The following SAMD4A variants were observed in gnomAD, a reference collection of about 807,000 sequenced individuals.
SAMD4A encodes sterile alpha motif domain containing 4A, also known as protein Smaug homolog 1.
In SAMD4A, 33 loss-of-function variants were observed where a neutral mutation model predicts 81.3. The ratio of observed to expected loss-of-function variants is 0.41; its 90% CI spans 0.31 to 0.54. The LOEUF (loss-of-function observed/expected upper bound fraction) is 0.54. SAMD4A is among the 20% of genes least tolerant of loss of function. The pLI, the probability that SAMD4A is intolerant of heterozygous loss-of-function variation, is 0.37. For synonymous variants in SAMD4A, 389 were observed against 382.1 expected, an observed-to-expected ratio of 1.02 and a Z score of -0.21; for missense variants, 854 against 951.1, an observed-to-expected ratio of 0.90 and a Z score of 1.34.
chr14:54,773,248 C>G (rs1000080803), intron 9 of SAMD4A, among the ~76,000 whole-genome samples: 3 of 152,158 alleles, frequency 2.0e-5, no homozygotes, highest in South Asian at 2.1e-4. Context: ...TGCCCCTCCC[C>G]CTACATACAG....
chr14:54,604,026 C>T (rs1168485892), intron 2 of SAMD4A, among the ~76,000 whole-genome samples: 10 of 152,120 alleles, frequency 6.6e-5, no homozygotes, highest in South Asian at 4.2e-4. Context: ...GGTTTCTCCA[C>T]GTTGGCCAGG....
At chr14:54,749,317 G>T (rs954920881) in intron 5 of SAMD4A, among the ~76,000 whole-genome samples, 1 of 152,104 alleles carries the variant, frequency 6.6e-6, no homozygotes. Flanking sequence ...CCCTCTGCTC[G>T]AGCAGGGCTT....
rs117624018 is a variant in SAMD4A, at chr14:54,763,808, T to C, written c.1511-647T>C. Among the ~76,000 whole-genome samples, 3 of 152,328 alleles carry C rather than the reference T, an allele frequency of 2.0e-5. No homozygotes were observed. The East Asian group carries it at 5.8e-4, about 29-fold the overall frequency. Reference sequence around the variant, plus strand: ...AGTAACATGGCCGTGAGAAACCTAGTGCGTGTGTATACTCTACCCGCAGAC... The same window carrying C: ...AGTAACATGGCCGTGAGAAACCTAGCGCGTGTGTATACTCTACCCGCAGAC... On this transcript the variant is annotated intron_variant, in intron 7 of 12. Coordinates refer to ENST00000554335, the MANE Select transcript of SAMD4A (RefSeq NM_015589.6).
intron 9 of SAMD4A, among the ~76,000 whole-genome samples, chr14:54,771,843 T>G (rs1322041038): frequency 1.3e-5 from 2 of 152,188 alleles, no homozygotes; most frequent in Admixed American, 1.3e-4. Context: ...CTGTCAGCCC[T>G]GTGTTGTCAT....
intron 2 of SAMD4A, among the ~76,000 whole-genome samples, chr14:54,672,686 G>A (rs2035911118): frequency 6.6e-6 from 1 of 152,136 alleles, no homozygotes; most frequent in South Asian, 2.1e-4. Flanking sequence ...AGGATGTAGG[G>A]CAATTTCTAA....
At chr14:54,676,926 G>T (rs2036006071) in intron 2 of SAMD4A, among the ~76,000 whole-genome samples, 1 of 152,182 alleles carries the variant, frequency 6.6e-6, no homozygotes, top group Non-Finnish European at 1.5e-5. Context: ...CTAGAGCCTT[G>T]CATTATGCAT....
In SAMD4A at chr14:54,694,798, A is replaced by C. The variant is rs1157927298; in HGVS notation, c.197-7264A>C. 10 of 985,316 alleles carry C rather than the reference A, an allele frequency of 1.0e-5. No homozygotes were observed. In the African/African-American group the frequency reaches 1.7e-4, roughly 17 times the overall value. The allele number at this position is 985,316 out of a possible 1,614,324, so 61.0% of individuals were successfully genotyped here. A position where few individuals can be genotyped will look rare whatever the true frequency, so the allele number is the denominator to read the frequency against. On this transcript the variant is annotated intron_variant, in intron 2 of 12. Coordinates refer to ENST00000554335, the MANE Select transcript of SAMD4A (RefSeq NM_015589.6). ...GGCTGAGATCTCAGGACTACTTCCC[A>C]GCTGGCCTGGGTCCTCAAGGAGTAA...
At position 54,715,267 on chromosome 14, in the gene SAMD4A, C is replaced by T. The variant is rs1053258090; in HGVS notation, c.715+12687C>T. On this transcript the variant is annotated intron_variant, in intron 3 of 12. Coordinates refer to ENST00000554335, the MANE Select transcript of SAMD4A (RefSeq NM_015589.6). ...GTGATCTTAAACTCACGGGGATTCTCACTTCTTTATGAAAGTTTGGGGTTG... is the reference window on the plus strand; with the variant it reads ...GTGATCTTAAACTCACGGGGATTCTTACTTCTTTATGAAAGTTTGGGGTTG... Among the ~76,000 whole-genome samples the T allele has an allele frequency of 2.6e-5, 4 of 152,206 alleles. No homozygotes were observed. The East Asian group carries it at 7.7e-4, about 29-fold the overall frequency.
intron 8 of SAMD4A, among the ~76,000 whole-genome samples, chr14:54,769,111 A>G (rs137862838): frequency 3.7e-4 from 56 of 152,362 alleles, no homozygotes; most frequent in African/African-American, 1.1e-3. Context: ...TCTAAGTTAC[A>G]GTTCTAGTCA....
chr14:54,632,578 CT>C (rs546542473), intron 2 of SAMD4A, among the ~76,000 whole-genome samples: 7 of 151,522 alleles, frequency 4.6e-5, no homozygotes, highest in East Asian at 3.9e-4. Flanking sequence ...CTACACTTCA[CT>C]TTTTTTTTCA....
intron 2 of SAMD4A, among the ~76,000 whole-genome samples, chr14:54,586,890 AGTTTTGCTTT>A (rs1194113629): frequency 6.6e-6 from 1 of 151,962 alleles, no homozygotes; most frequent in East Asian, 1.9e-4. Context: ...CTTTTTGCTT[AGTTTTGCTTT>A]GGCTATGTGG....
In SAMD4A at chr14:54,701,113, C is replaced by G. The variant is rs145247634; in HGVS notation, c.197-949C>G. ...TCTGAAGCTCAAGCAATCCTCCCAC[C>G]TCAGCGTCTGGAGTAGCTGGATCTA... On this transcript the variant is annotated intron_variant, in intron 2 of 12. Transcript: ENST00000554335. The G allele has an allele frequency of 5.3e-4, 80 of 152,188 alleles. No individual in the cohort carries two copies. In the East Asian group the frequency reaches 8.7e-3, roughly 17 times the overall value. 9.4% of individuals were successfully genotyped at this position (152,188 alleles called of 1,614,324 possible).
intron 2 of SAMD4A, among the ~76,000 whole-genome samples, chr14:54,584,456 T>G (rs1486206919): frequency 6.6e-6 from 1 of 152,226 alleles, no homozygotes; most frequent in Non-Finnish European, 1.5e-5. Context: ...ACTGTTCAGA[T>G]TAACCCCTTA....
At chr14:54,617,933 AGAT>A (rs1321620566) in intron 2 of SAMD4A, among the ~76,000 whole-genome samples, 2 of 152,242 alleles carry the variant, frequency 1.3e-5, no homozygotes, top group African/African-American at 4.8e-5. Flanking sequence ...ACATCGAAAT[AGAT>A]GATGCCTTTT....
intron 2 of SAMD4A, among the ~76,000 whole-genome samples, chr14:54,597,242 ATCTC>A (rs2033933981): frequency 6.6e-6 from 1 of 150,406 alleles, no homozygotes; most frequent in African/African-American, 2.4e-5. Flanking sequence ...ACATCTCTCT[ATCTC>A]TCTGTTGTGG....
intron 4 of SAMD4A, among the ~76,000 whole-genome samples, chr14:54,747,449 C>G (rs1243043966): frequency 6.6e-6 from 1 of 152,184 alleles, no homozygotes; most frequent in Admixed American, 6.5e-5. Flanking sequence ...ATAGTCCAGG[C>G]CTCTTTCATC....
In SAMD4A at chr14:54,568,078, G is replaced by A. The variant is rs1165134202; in HGVS notation, c.162G>A (p.Glu54=). 1 of 1,578,190 alleles carries A rather than the reference G, an allele frequency of 6.3e-7. No homozygotes were observed. The highest frequency in any genetic ancestry group is 1.7e-5 in the Admixed American group (1 of 57,676). The change falls in exon 2 of 13, where the codon GAG becomes GAA. Residue 54 remains glutamate (E), a synonymous_variant. Coordinates refer to ENST00000554335, the MANE Select transcript of SAMD4A (RefSeq NM_015589.6). The part of the protein sequence containing the change: ...CLEHSLADCA[E]LHVLEREANS... ...AGCACTCGCTGGCCGACTGCGCCGA[G>A]CTGCACGTCCTCGAACGCGAGGCCA... is the stretch of plus-strand genomic sequence containing the variant.
intron 2 of SAMD4A, among the ~76,000 whole-genome samples, chr14:54,580,448 A>G (rs1351445489): frequency 6.6e-6 from 1 of 152,184 alleles, no homozygotes; most frequent in Non-Finnish European, 1.5e-5. Flanking sequence ...GAAGCATGTT[A>G]TAATCACTGT....
At chr14:54,630,904 TTA>T (rs199748830) in intron 2 of SAMD4A, among the ~76,000 whole-genome samples, 15 of 76,482 alleles carry the variant, frequency 2.0e-4, no homozygotes, top group Non-Finnish European at 2.5e-4. Context: ...ATCTTGTATT[TTA>T]TATGTGTGTG....
Sources: gnomAD v4.1 joint callset for allele counts (sites outside exome capture counted in the v4.1 genomes callset) on GRCh38, gnomAD v4.1.1 for gene constraint, MANE v1.5 for transcripts, NCBI Gene and HGNC (gene_info 2026-07-23, HGNC 2026-07-21) for gene names.